The following RGS21 variants were observed in gnomAD, a reference collection of about 807,000 sequenced individuals.
The protein encoded by RGS21 is regulator of G protein signaling 21.
A neutral mutation model predicts 18.7 loss-of-function variants in RGS21; 19 were observed. The ratio of observed to expected loss-of-function variants is 1.01; its 90% CI spans 0.71 to 1.49. RGS21 has a LOEUF of 1.49. Among genes scored for constraint, RGS21 ranks in the 40% most tolerant of loss-of-function variants. The pLI is 0.00. For synonymous variants in RGS21, 56 were observed against 57.8 expected (o/e 0.97, Z 0.14); for missense variants, 194 against 176.8 (o/e 1.10, Z -0.55).
At chr1:192,346,319 C>T (rs1188819924) in intron 2 of RGS21, among the ~76,000 whole-genome samples, 1 of 152,054 alleles carries the variant, frequency 6.6e-6, no homozygotes, top group Non-Finnish European at 1.5e-5. Flanking sequence ...AATCACTTCA[C>T]ACTAGTATGT....
intron 2 of RGS21, among the ~76,000 whole-genome samples, chr1:192,345,180 CT>C (rs558669682): frequency 1.1e-3 from 167 of 151,908 alleles, no homozygotes; most frequent in African/African-American, 3.9e-3. Flanking sequence ...TGCCTTTTTG[CT>C]TTTGGATTAA....
chr1:192,354,191 C>T (rs1436686303), intron 4 of RGS21, among the ~76,000 whole-genome samples: 2 of 151,452 alleles, frequency 1.3e-5, no homozygotes, highest in Non-Finnish European at 3.0e-5. Context: ...AGTGAAATTA[C>T]CGAGTGAAAG....
chr1:192,349,940 T>C (rs879807744), intron 3 of RGS21, among the ~76,000 whole-genome samples: 1 of 152,208 alleles, frequency 6.6e-6, no homozygotes, highest in Non-Finnish European at 1.5e-5. Context: ...CAATATTCTT[T>C]CTGTATTATT....
intron 4 of RGS21, among the ~76,000 whole-genome samples, chr1:192,354,580 G>A (rs946395892): frequency 9.9e-5 from 15 of 151,530 alleles, no homozygotes; most frequent in African/African-American, 3.4e-4. Context: ...GACAAGACTC[G>A]GTGACATATT....
At chr1:192,328,825 T>G (rs982236333) in intron 1 of RGS21, among the ~76,000 whole-genome samples, 1 of 152,092 alleles carries the variant, frequency 6.6e-6, no homozygotes, top group Non-Finnish European at 1.5e-5. Flanking sequence ...GAGGATTGGT[T>G]AAAGAAATCA....
chr1:192,319,846 G>A (rs181707227), intron 1 of RGS21, among the ~76,000 whole-genome samples: 1 of 152,106 alleles, frequency 6.6e-6, no homozygotes, highest in Admixed American at 6.6e-5. Context: ...TCTAATCCCA[G>A]CTGTGCAATT....
At chr1:192,342,686 T>C (rs1658889428) in intron 1 of RGS21, among the ~76,000 whole-genome samples, 1 of 151,816 alleles carries the variant, frequency 6.6e-6, no homozygotes. Flanking sequence ...TATCATTATA[T>C]ATTGGTTTAA....
At chr1:192,360,254 A>C (rs1659169480) in intron 4 of RGS21, among the ~76,000 whole-genome samples, 1 of 152,004 alleles carries the variant, frequency 6.6e-6, no homozygotes, top group Non-Finnish European at 1.5e-5. Context: ...CTGTTCTTCC[A>C]CTATTCTGGC....
intron 1 of RGS21, among the ~76,000 whole-genome samples, chr1:192,323,718 C>T (rs1205253936): frequency 6.6e-6 from 1 of 152,028 alleles, no homozygotes; most frequent in African/African-American, 2.4e-5. Context: ...GGTTGAACTG[C>T]AGGTGAAGAC....
chr1:192,332,460 T>C (rs908620875), intron 1 of RGS21, among the ~76,000 whole-genome samples: 3 of 152,184 alleles, frequency 2.0e-5, no homozygotes, highest in Non-Finnish European at 2.9e-5. Context: ...ACTTAAAAAA[T>C]TAGTTTTAAA....
chr1:192,341,724 G>C (rs1042567193), intron 1 of RGS21, among the ~76,000 whole-genome samples: 9 of 149,714 alleles, frequency 6.0e-5, no homozygotes, highest in Non-Finnish European at 8.9e-5. Flanking sequence ...TGTAAAATAA[G>C]CCTATTCCTG....
rs150971219 is a variant in RGS21, at chr1:192,333,838, G to A, written c.-60-9139G>A. ...ACATATACCCCAGTGTCAACTACTG[G>A]TTTGTTACTGCACTATAATTATATA... On this transcript the variant is annotated intron_variant, in intron 1 of 4. Coordinates refer to ENST00000417209, the MANE Select transcript of RGS21 (RefSeq NM_001039152.3). 1.5e-3 allele frequency among the ~76,000 whole-genome samples: 227 copies of A among 152,130 alleles called. 1 individual carries two copies. Among genetic ancestry groups the A allele is most frequent in the African/African-American group, 5.3e-3 (218 of 41,516 alleles).
intron 1 of RGS21, among the ~76,000 whole-genome samples, chr1:192,319,299 C>A (rs1658463335): frequency 6.6e-6 from 1 of 152,012 alleles, no homozygotes. Flanking sequence ...GAATCCCTTC[C>A]AACTTTTTTT....
intron 1 of RGS21, 145 bp from the exon 2 acceptor site, chr1:192,342,829 TAGA>T: frequency 3.9e-6 from 2 of 518,624 alleles, no homozygotes; most frequent in Non-Finnish European, 7.1e-6. Flanking sequence ...ATTTATTACT[TAGA>T]AGTTTAAGTG....
At chr1:192,364,949 A>G (rs762352514) in intron 4 of RGS21, among the ~76,000 whole-genome samples, 1 of 152,040 alleles carries the variant, frequency 6.6e-6, no homozygotes, top group Non-Finnish European at 1.5e-5. Flanking sequence ...CCTGGCCAAC[A>G]TGGTGAAACC....
At chr1:192,341,567 G>C (rs540396387) in intron 1 of RGS21, among the ~76,000 whole-genome samples, 2 of 152,086 alleles carry the variant, frequency 1.3e-5, no homozygotes, top group Admixed American at 1.3e-4. Context: ...CCAATTATTA[G>C]TTTTTTCTAA....
At chr1:192,346,898 C>A (rs1398142548) in intron 2 of RGS21, among the ~76,000 whole-genome samples, 1 of 152,102 alleles carries the variant, frequency 6.6e-6, no homozygotes, top group Non-Finnish European at 1.5e-5. Flanking sequence ...ATAATTATGA[C>A]ATAATCTTTA....
At chr1:192,348,958 T>C (rs1345658916) in intron 3 of RGS21, among the ~76,000 whole-genome samples, 2 of 38,638 alleles carry the variant, frequency 5.2e-5, no homozygotes, top group Non-Finnish European at 1.0e-4. Context: ...TTAGAAATAA[T>C]TAGAAATAAT....
intron 1 of RGS21, among the ~76,000 whole-genome samples, chr1:192,334,418 T>C (rs1161797510): frequency 6.6e-6 from 1 of 152,176 alleles, no homozygotes; most frequent in Non-Finnish European, 1.5e-5. Context: ...ATATTCTATA[T>C]TGGGATTCTA....
Sources: allele counts gnomAD v4.1 joint callset (sites outside exome capture counted in the v4.1 genomes callset), GRCh38; gene constraint gnomAD v4.1.1; transcripts MANE v1.5; gene names NCBI Gene and HGNC (gene_info 2026-07-23, HGNC 2026-07-21).